MEIS1: variants seen among roughly 807,000 people sequenced by gnomAD.
MEIS1 encodes homeobox protein Meis1.
In MEIS1, 5 loss-of-function variants were observed where a neutral mutation model predicts 50.8. The observed-to-expected ratio is 0.10, with a 90% CI of 0.05 to 0.21. MEIS1 has a LOEUF of 0.21. MEIS1 is among the 10% of genes least tolerant of loss of function. The probability of loss-of-function intolerance (pLI) is 1.00; values close to 1 mark genes in which losing one functional copy is unlikely to be tolerated. For synonymous variants in MEIS1, 176 were observed against 179.3 expected (o/e 0.98, Z 0.15); for missense variants, 318 against 517.3 (o/e 0.61, Z 3.74).
chr2:66,555,254 T>TTC (rs776470607), intron 9 of MEIS1, among the ~76,000 whole-genome samples: 71 of 35,474 alleles, frequency 2.0e-3, no homozygotes, highest in African/African-American at 3.4e-3. Flanking sequence ...TGTGTACGTG[T>TTC]TCTCTCTCTC....
In MEIS1 at chr2:66,573,091, C is replaced by T. The variant is rs1675513737; in HGVS notation, c.*1883C>T. 1.3e-5 allele frequency: 2 copies of T among 152,066 alleles called. No homozygotes were observed. The highest frequency in any genetic ancestry group is 2.9e-5 in the Non-Finnish European group (2 of 68,022). The allele number at this position is 152,066 out of a possible 1,614,324, so 9.4% of individuals were successfully genotyped here. On this transcript the variant is annotated 3_prime_UTR_variant, in exon 13 of 13. Coordinates refer to ENST00000272369, the MANE Select transcript of MEIS1 (RefSeq NM_002398.3). ...TAAGTCTTTTACTAAAGGATGTTACCTAGGATGAGCAGTATATGTTTATTA... is the reference window on the plus strand; with the variant it reads ...TAAGTCTTTTACTAAAGGATGTTACTTAGGATGAGCAGTATATGTTTATTA...
chr2:66,445,973 C>G (rs1672132657), intron 6 of MEIS1, among the ~76,000 whole-genome samples: 1 of 152,212 alleles, frequency 6.6e-6, no homozygotes, highest in Non-Finnish European at 1.5e-5. Context: ...CGGGCGCAAG[C>G]CTCCTGGGCG....
intron 8 of MEIS1, among the ~76,000 whole-genome samples, chr2:66,525,282 T>A (rs1330998241): frequency 1.3e-5 from 2 of 152,158 alleles, no homozygotes; most frequent in Non-Finnish European, 2.9e-5. Context: ...GGCATGCATT[T>A]AAATTATCTG....
intron 7 of MEIS1, among the ~76,000 whole-genome samples, chr2:66,493,429 C>A (rs1673321460): frequency 6.6e-6 from 1 of 151,878 alleles, no homozygotes; most frequent in Admixed American, 6.6e-5. Flanking sequence ...TGTGTTGGAC[C>A]CTGAGTTGTC....
chr2:66,510,454 A>G (rs567977627), intron 7 of MEIS1, among the ~76,000 whole-genome samples: 2 of 152,276 alleles, frequency 1.3e-5, no homozygotes, highest in Non-Finnish European at 1.5e-5. Flanking sequence ...GTGGGTTTTC[A>G]TGATCTTTTC....
chr2:66,543,552 G>T (rs1450846890), intron 8 of MEIS1, among the ~76,000 whole-genome samples: 1 of 152,168 alleles, frequency 6.6e-6, no homozygotes, highest in East Asian at 1.9e-4. Context: ...AATGCTGGAA[G>T]GGAGGGGCCA....
At position 66,435,527 on chromosome 2, in the gene MEIS1, C is replaced by T. The variant is rs908269829; in HGVS notation, c.-330C>T. The T allele has an allele frequency of 5.1e-6, 2 of 388,618 alleles. No individual in the cohort carries two copies. The highest frequency in any genetic ancestry group is 4.4e-5 in the Admixed American group (1 of 22,644). 24.1% of individuals were successfully genotyped at this position (388,618 alleles called of 1,614,324 possible). A position where few individuals can be genotyped will look rare whatever the true frequency, so the allele number is the denominator to read the frequency against. ...AGATTTGGTAGTTGGGTCTGAGGGG[C>T]GCTCTTTTTTTTCCTTTTCTTTCTT... On this transcript the variant is annotated 5_prime_UTR_variant, in exon 1 of 13. Coordinates refer to ENST00000272369, the MANE Select transcript of MEIS1 (RefSeq NM_002398.3).
At chr2:66,565,058 T>G (rs1471623592) in intron 9 of MEIS1, among the ~76,000 whole-genome samples, 2 of 152,104 alleles carry the variant, frequency 1.3e-5, no homozygotes, top group African/African-American at 4.8e-5. Flanking sequence ...TATGTACTTT[T>G]GGGGGACAGA....
chr2:66,443,047 A>G lies in MEIS1; in HGVS notation c.629A>G (p.Gln210Arg), dbSNP rs760717673. The change falls in exon 6 of 13, where the codon CAG becomes CGG. Residue 210 changes from glutamine (Q) to arginine (R), a missense_variant and splice_region_variant. Gln to Arg is a conservative substitution (Grantham distance 43). This residue lies in a region of MEIS1 where 48 missense variants were observed against 50.9 expected (regional missense o/e 0.94). Transcript: ENST00000272369. ...DITRSANLTD[Q>R]PSWNRDHDDT... is the part of the protein sequence containing the mutation. ...ACAAGATCAGCAAATCTAACTGACC[A>G]GGTATGCGCTTTTCAATTTCAACAT... 2.1e-5 allele frequency: 33 copies of G among 1,575,176 alleles called. No homozygotes were observed. Among genetic ancestry groups the G allele is most frequent in the Non-Finnish European group, 2.7e-5 (31 of 1,167,604 alleles).
At chr2:66,509,538 T>C (rs1451164049) in intron 7 of MEIS1, among the ~76,000 whole-genome samples, 1 of 152,240 alleles carries the variant, frequency 6.6e-6, no homozygotes, top group Non-Finnish European at 1.5e-5. Context: ...TAGAAACCTT[T>C]TATTCAGGAG....
At chr2:66,449,118 G>A (rs1026527880) in intron 6 of MEIS1, among the ~76,000 whole-genome samples, 1 of 152,056 alleles carries the variant, frequency 6.6e-6, no homozygotes, top group Non-Finnish European at 1.5e-5. Flanking sequence ...AAAATAGAAT[G>A]CATGTGACAC....
intron 9 of MEIS1, among the ~76,000 whole-genome samples, chr2:66,560,961 G>A (rs1252295452): frequency 6.6e-6 from 1 of 152,166 alleles, no homozygotes; most frequent in East Asian, 1.9e-4. Flanking sequence ...GGTTTGACTT[G>A]AGAATGAATC....
intron 7 of MEIS1, among the ~76,000 whole-genome samples, chr2:66,470,713 A>G (rs1672743600): frequency 6.6e-6 from 1 of 152,236 alleles, no homozygotes; most frequent in African/African-American, 2.4e-5. Flanking sequence ...TAAACAACCG[A>G]AAAGTGCATT....
intron 8 of MEIS1, among the ~76,000 whole-genome samples, chr2:66,529,603 C>A (rs968156166): frequency 6.6e-6 from 1 of 152,072 alleles, no homozygotes; most frequent in Non-Finnish European, 1.5e-5. Flanking sequence ...CACTGGCTAA[C>A]TTTTTAAGCT....
chr2:66,506,526 G>C (rs1673688735), intron 7 of MEIS1, among the ~76,000 whole-genome samples: 1 of 152,154 alleles, frequency 6.6e-6, no homozygotes, highest in African/African-American at 2.4e-5. Flanking sequence ...ACACCCAGGA[G>C]AGAGATCGTG....
At chr2:66,470,464 T>TA in intron 7 of MEIS1, among the ~76,000 whole-genome samples, 1 of 152,224 alleles carries the variant, frequency 6.6e-6, no homozygotes, top group Non-Finnish European at 1.5e-5. Context: ...GAACACCCTG[T>TA]AATATACTCA....
intron 7 of MEIS1, among the ~76,000 whole-genome samples, chr2:66,489,664 C>T (rs1673227827): frequency 6.6e-6 from 1 of 152,142 alleles, no homozygotes; most frequent in East Asian, 1.9e-4. Flanking sequence ...GATAAACTGC[C>T]TACTGCTAGT....
At chr2:66,465,160 G>T (rs1672604362) in intron 7 of MEIS1, among the ~76,000 whole-genome samples, 1 of 152,268 alleles carries the variant, frequency 6.6e-6, no homozygotes, top group South Asian at 2.1e-4. Flanking sequence ...AATTAAAATT[G>T]CAAAGTCTAC....
chr2:66,545,152 A>G (rs1674759894), intron 8 of MEIS1, among the ~76,000 whole-genome samples: 3 of 152,214 alleles, frequency 2.0e-5, no homozygotes, highest in South Asian at 2.1e-4. Context: ...ATATTAAGAC[A>G]TAACTAATAA....
Sources: gnomAD v4.1 joint callset for allele counts (sites outside exome capture counted in the v4.1 genomes callset) on GRCh38, gnomAD v4.1.1 for gene constraint, gnomAD v4.1.1 regional missense constraint, MANE v1.5 for transcripts, NCBI Gene and HGNC (gene_info 2026-07-23, HGNC 2026-07-21) for gene names.